Variants in XYLT1 observed in about 807,000 individuals in gnomAD.
The protein encoded by XYLT1 is beta-D-xylosyltransferase 1.
XYLT1 carries 36 observed loss-of-function variants against 91.3 expected under a neutral mutation model. The observed-to-expected ratio is 0.39, with a 90% confidence interval of 0.30 to 0.52. The LOEUF is 0.52. Ranked by LOEUF, XYLT1 falls within the 20% of genes least tolerant of loss-of-function variation. The pLI is 0.68. For synonymous variants in XYLT1, 588 were observed against 532.0 expected (o/e 1.11, Z -1.45); for missense variants, 1,242 against 1,284.5 (o/e 0.97, Z 0.51).
chr16:17,282,519 G>T (rs2034073220), intron 2 of XYLT1, among the ~76,000 whole-genome samples: 1 of 152,228 alleles, frequency 6.6e-6, no homozygotes, highest in Admixed American at 6.5e-5. Context: ...GGAGGGTGAG[G>T]CTGCAGGCTA....
intron 3 of XYLT1, among the ~76,000 whole-genome samples, chr16:17,249,236 G>A (rs1338366332): frequency 1.3e-5 from 2 of 152,150 alleles, no homozygotes; most frequent in East Asian, 1.9e-4. Flanking sequence ...CCCAGGTGGT[G>A]GATGCCATGC....
chr16:17,265,136 C>G (rs2033786069), intron 2 of XYLT1, among the ~76,000 whole-genome samples: 1 of 152,202 alleles, frequency 6.6e-6, no homozygotes, highest in Non-Finnish European at 1.5e-5. Context: ...TGCAGTGAGC[C>G]AAGATCGTGC....
intron 3 of XYLT1, among the ~76,000 whole-genome samples, chr16:17,219,623 T>C (rs1297428260): frequency 6.6e-6 from 1 of 152,180 alleles, no homozygotes; most frequent in Non-Finnish European, 1.5e-5. Context: ...GCCAGGGGGC[T>C]CCTGAGAATA....
At chr16:17,413,253 C>G (rs988810596) in intron 1 of XYLT1, among the ~76,000 whole-genome samples, 3 of 152,188 alleles carry the variant, frequency 2.0e-5, no homozygotes, top group Non-Finnish European at 4.4e-5. Flanking sequence ...ATGCCACACA[C>G]TGTGCACTGA....
At chr16:17,442,370 T>C (rs1284882549) in intron 1 of XYLT1, among the ~76,000 whole-genome samples, 1 of 152,128 alleles carries the variant, frequency 6.6e-6, no homozygotes, top group Non-Finnish European at 1.5e-5. Flanking sequence ...GAATCAAAAG[T>C]GTTAAAGTGA....
intron 2 of XYLT1, among the ~76,000 whole-genome samples, chr16:17,344,219 G>T (rs530820470): frequency 6.6e-6 from 1 of 151,724 alleles, no homozygotes; most frequent in South Asian, 2.1e-4. Context: ...CCCAGGCCGG[G>T]TGCCTGTAAT....
intron 3 of XYLT1, among the ~76,000 whole-genome samples, chr16:17,207,215 G>A (rs1038413571): frequency 2.6e-5 from 4 of 151,890 alleles, no homozygotes; most frequent in Admixed American, 6.6e-5. Flanking sequence ...CTGCCACCAC[G>A]CCTGGCTAAA....
intron 9 of XYLT1, among the ~76,000 whole-genome samples, chr16:17,133,821 G>A (rs2030597066): frequency 6.6e-6 from 1 of 152,214 alleles, no homozygotes; most frequent in Admixed American, 6.5e-5. Context: ...AGTGGTAGAT[G>A]AGACAATTGT....
In XYLT1 at chr16:17,379,763, T is replaced by TCTCTCACA. The variant is rs373354877; in HGVS notation, c.364-21714_364-21713insTGTGAGAG. On this transcript the variant is annotated intron_variant, in intron 1 of 11. Coordinates refer to ENST00000261381, the MANE Select transcript of XYLT1 (RefSeq NM_022166.4). ...CTCTCTCTCTCTCTCTCTCTCTCTCTCACACACACACACACACACACACAC... is the reference window on the plus strand; with the variant it reads ...CTCTCTCTCTCTCTCTCTCTCTCTCTCTCTCACACACACACACACACACACACACACAC... Among the ~76,000 whole-genome samples, 641 of 125,550 alleles carry TCTCTCACA rather than the reference T, an allele frequency of 5.1e-3. 6 individuals are homozygous for TCTCTCACA. Among genetic ancestry groups the TCTCTCACA allele is most frequent in the African/African-American group, 0.017 (535 of 31,702 alleles). 82.4% of individuals were successfully genotyped at this position (125,550 alleles called of 152,430 possible).
chr16:17,268,494 C>T (rs756440508), intron 2 of XYLT1, among the ~76,000 whole-genome samples: 27 of 151,938 alleles, frequency 1.8e-4, no homozygotes, highest in Non-Finnish European at 2.5e-4. Context: ...TTGAGAACTA[C>T]TGACATAATA....
intron 2 of XYLT1, among the ~76,000 whole-genome samples, chr16:17,356,180 A>AC (rs897570236): frequency 2.6e-5 from 4 of 151,230 alleles, no homozygotes; most frequent in African/African-American, 9.7e-5. Flanking sequence ...AATCAAAACC[A>AC]CCCCCCGGTT....
At chr16:17,278,658 T>A (rs1272187265) in intron 2 of XYLT1, among the ~76,000 whole-genome samples, 1 of 152,258 alleles carries the variant, frequency 6.6e-6, no homozygotes, top group Non-Finnish European at 1.5e-5. Context: ...TAACAGCATC[T>A]ACTGTTTACC....
At chr16:17,277,978 G>A (rs535874794) in intron 2 of XYLT1, among the ~76,000 whole-genome samples, 4 of 152,212 alleles carry the variant, frequency 2.6e-5, no homozygotes, top group African/African-American at 9.6e-5. Flanking sequence ...AAGAGAGGCC[G>A]GCTGCCTGGC....
rs1319986537 is a variant in XYLT1 at position 17,102,860 on chromosome 16, C to T, written c.*5835G>A. ...TAGTTATTTTTAAAAACTATATCAC[C>T]ACATGTCTTTGAAAACAATGAAGGG... On this transcript the variant is annotated 3_prime_UTR_variant, in exon 12 of 12. Transcript: ENST00000261381. 2 of 152,150 alleles carry T rather than the reference C, an allele frequency of 1.3e-5. No individual in the cohort carries two copies. Among genetic ancestry groups the T allele is most frequent in the African/African-American group, 4.8e-5 (2 of 41,260 alleles). The allele number at this position is 152,150 out of a possible 1,614,324, so 9.4% of individuals were successfully genotyped here. A position where few individuals can be genotyped will look rare whatever the true frequency, so the allele number is the denominator to read the frequency against.
chr16:17,232,465 A>ATG (rs1398178208), intron 3 of XYLT1, among the ~76,000 whole-genome samples: 3 of 143,540 alleles, frequency 2.1e-5, no homozygotes, highest in Non-Finnish European at 3.0e-5. Context: ...ATATATATAT[A>ATG]TTGCCCATGT....
At chr16:17,404,067 G>T (rs1470315096) in intron 1 of XYLT1, among the ~76,000 whole-genome samples, 1 of 151,416 alleles carries the variant, frequency 6.6e-6, no homozygotes, top group Non-Finnish European at 1.5e-5. Flanking sequence ...GATTCAATGT[G>T]CATAACTGTA....
intron 2 of XYLT1, among the ~76,000 whole-genome samples, chr16:17,315,723 C>T (rs187728092): frequency 3.3e-4 from 50 of 152,262 alleles, no homozygotes; most frequent in African/African-American, 1.1e-3. Flanking sequence ...GGTTAGAAAA[C>T]GGAAGCTCAG....
chr16:17,327,388 A>T (rs545543461), intron 2 of XYLT1, among the ~76,000 whole-genome samples: 36 of 130,532 alleles, frequency 2.8e-4, no homozygotes, highest in African/African-American at 1.0e-3. Context: ...TTTGAGATAG[A>T]GTCTCGCTCT....
rs533584703 is a variant in XYLT1 at position 17,404,997 on chromosome 16, T to C, written c.364-46947A>G. ...TGTAATATTGCCACACACAAGCACA[T>C]AACTTTCTGGAGGGATGACTCAGAT... On this transcript the variant is annotated intron_variant, in intron 1 of 11. Transcript: ENST00000261381. Among the ~76,000 whole-genome samples, 82 of 152,162 alleles carry C rather than the reference T, an allele frequency of 5.4e-4. 1 individual carries two copies. Among genetic ancestry groups the C allele is most frequent in the African/African-American group, 1.9e-3 (79 of 41,518 alleles).
Sources: allele counts gnomAD v4.1 joint callset (sites outside exome capture counted in the v4.1 genomes callset), GRCh38; gene constraint gnomAD v4.1.1; transcripts MANE v1.5; gene names NCBI Gene and HGNC (gene_info 2026-07-23, HGNC 2026-07-21).